The following PCDHGA4 variants were observed in gnomAD, a reference collection of about 807,000 sequenced individuals.
PCDHGA4 encodes protocadherin gamma-A4.
A neutral mutation model predicts 54.6 loss-of-function variants in PCDHGA4; 38 were observed. The observed-to-expected ratio is 0.70, with a 90% CI of 0.54 to 0.91. The LOEUF is 0.91. Among genes scored for constraint, PCDHGA4 ranks in the 40% least tolerant of loss-of-function variants. The probability of loss-of-function intolerance (pLI) is 0.00; values close to 1 mark genes in which losing one functional copy is unlikely to be tolerated. For synonymous variants in PCDHGA4, 511 were observed against 512.9 expected (o/e 1.00, Z 0.05); for missense variants, 1,298 against 1,220.9 (o/e 1.06, Z -0.94).
chr5:141,376,711 G>A lies in PCDHGA4; in HGVS notation c.2514+19090G>A, dbSNP rs1369731526. 2.9e-5 allele frequency: 18 copies of A among 622,360 alleles called. No homozygotes were observed. The South Asian group carries it at 3.6e-4, about 12-fold the overall frequency. 38.6% of individuals were successfully genotyped at this position (622,360 alleles called of 1,614,324 possible). On this transcript the variant is annotated intron_variant, in intron 1 of 3. Coordinates refer to ENST00000571252, the MANE Select transcript of PCDHGA4 (RefSeq NM_018917.4). ...TTTTTTTTTTTTGAGACGGAGTCTC[G>A]CTCTGTCGCCCAGGCCGGACTGCGG...
chr5:141,417,387 G>GA (rs1356605500), intron 1 of PCDHGA4: 1 of 154,090 alleles, frequency 6.5e-6, no homozygotes, highest in Non-Finnish European at 1.4e-5. Context: ...AAATTTTGAA[G>GA]AAAAAATATT....
intron 1 of PCDHGA4, chr5:141,389,767 G>T: frequency 1.2e-6 from 2 of 1,613,028 alleles, no homozygotes; most frequent in Non-Finnish European, 1.7e-6. Context: ...CGCACAGCGC[G>T]TGCCTTAGGC....
intron 1 of PCDHGA4, chr5:141,365,824 G>C (rs745398679): frequency 2.5e-6 from 4 of 1,613,926 alleles, no homozygotes; most frequent in Non-Finnish European, 3.4e-6. Context: ...CATTTCAGGG[G>C]GCGCCCTTGT....
At chr5:141,370,854 C>T in intron 1 of PCDHGA4, 1 of 1,614,054 alleles carries the variant, frequency 6.2e-7, no homozygotes. Flanking sequence ...CACATTTGCC[C>T]TGGAATCTGC....
intron 1 of PCDHGA4, among the ~76,000 whole-genome samples, chr5:141,397,238 C>A (rs2093493095): frequency 6.6e-6 from 1 of 151,972 alleles, no homozygotes; most frequent in African/African-American, 2.4e-5. Flanking sequence ...AGAAGAGCAA[C>A]GTAGTAGGGT....
Position 141,476,278 on chromosome 5 carries a change from T to C in PCDHGA4, c.2515-18529T>C, listed in dbSNP as rs746655724. On this transcript the variant is annotated intron_variant, in intron 1 of 3. Transcript: ENST00000571252. The surrounding 1 kb of genome is among the most constrained non-coding windows in gnomAD (Gnocchi z 7.6). ...CTGTGGGCAACGTGGTCGCGAACCTTGGTTTGGATCTCGGTAGCCTCTCAG... is the reference window on the plus strand; with the variant it reads ...CTGTGGGCAACGTGGTCGCGAACCTCGGTTTGGATCTCGGTAGCCTCTCAG... The C allele has an allele frequency of 3.2e-5, 52 of 1,613,758 alleles. No homozygotes were observed. Among genetic ancestry groups the C allele is most frequent in the Non-Finnish European group, 4.2e-5 (49 of 1,179,958 alleles).
chr5:141,471,444 A>T (rs1366430114), intron 1 of PCDHGA4: 1 of 152,150 alleles, frequency 6.6e-6, no homozygotes, highest in Non-Finnish European at 1.5e-5. Flanking sequence ...AATCTCATGT[A>T]CCTTTTGAAA....
At chr5:141,361,876 G>T in intron 1 of PCDHGA4, 1 of 1,610,918 alleles carries the variant, frequency 6.2e-7, no homozygotes, top group Non-Finnish European at 8.5e-7. Context: ...GGTGCCACGC[G>T]CCGCAGAGCC....
Position 141,389,842 on chromosome 5 carries a change from C to G in PCDHGA4, c.2514+32221C>G, listed in dbSNP as rs779733638. The G allele has an allele frequency of 3.7e-6, 6 of 1,613,900 alleles. No individual in the cohort carries two copies. In the Admixed American group the frequency reaches 8.3e-5, roughly 22 times the overall value. ...CGTGACGGTGGACAGCCACCACTCT[C>G]GGCCACTGCCACGTTGCACCTGGTC... On this transcript the variant is annotated intron_variant, in intron 1 of 3. Coordinates refer to ENST00000571252, the MANE Select transcript of PCDHGA4 (RefSeq NM_018917.4).
At chr5:141,374,519 G>A (rs769907625) in intron 1 of PCDHGA4, 5 of 1,612,332 alleles carry the variant, frequency 3.1e-6, no homozygotes, top group Admixed American at 1.7e-5. Context: ...TCTCGAAAAC[G>A]CAGCTCCATC....
intron 1 of PCDHGA4, chr5:141,410,783 T>C (rs2095423369): frequency 1.1e-6 from 1 of 919,042 alleles, no homozygotes; most frequent in East Asian, 2.7e-5. Flanking sequence ...ACTATGTATT[T>C]GGTTCATAAG....
chr5:141,419,945 T>TTGGCCTTGATTTCTG (rs1205104698), intron 1 of PCDHGA4: 6 of 1,613,970 alleles, frequency 3.7e-6, no homozygotes, highest in Non-Finnish European at 4.2e-6. Flanking sequence ...GGTGGTGGCC[T>TTGGCCTTGATTTCTG]TGGCCTTGAT....
chr5:141,411,924 C>G lies in PCDHGA4; in HGVS notation c.2514+54303C>G, dbSNP rs116336964. ...TTGCCTTTGCACTCAGTCTCTGTCTCTGATTCTCTGATAGAAGATTTTTGA... is the reference window on the plus strand; with the variant it reads ...TTGCCTTTGCACTCAGTCTCTGTCTGTGATTCTCTGATAGAAGATTTTTGA... On this transcript the variant is annotated intron_variant, in intron 1 of 3. Coordinates refer to ENST00000571252, the MANE Select transcript of PCDHGA4 (RefSeq NM_018917.4). The G allele has an allele frequency of 5.8e-4, 88 of 152,306 alleles. 1 individual carries two copies. Among genetic ancestry groups the G allele is most frequent in the African/African-American group, 2.0e-3 (83 of 41,556 alleles). 9.4% of individuals were successfully genotyped at this position (152,306 alleles called of 1,614,324 possible). A position where few individuals can be genotyped will look rare whatever the true frequency, so the allele number is the denominator to read the frequency against.
chr5:141,487,040 C>T lies in PCDHGA4; in HGVS notation c.2515-7767C>T, dbSNP rs374574042. The T allele has an allele frequency of 3.7e-6, 6 of 1,614,136 alleles. No homozygotes were observed. Among genetic ancestry groups the T allele is most frequent in the South Asian group, 1.1e-5 (1 of 91,082 alleles). On this transcript the variant is annotated intron_variant, in intron 1 of 3. Transcript: ENST00000571252. This position sits in a 1 kb window ranked among gnomAD's most constrained non-coding sequence, Gnocchi z 5.0. Reference sequence around the variant, plus strand: ...AGATCCCAGCCTGTTTGCAGTCTCTCGATATGCTGGGGAGGTGCGGACGGC... The same window carrying T: ...AGATCCCAGCCTGTTTGCAGTCTCTTGATATGCTGGGGAGGTGCGGACGGC...
At chr5:141,386,154 A>T (rs1211383292) in intron 1 of PCDHGA4, among the ~76,000 whole-genome samples, 2 of 152,222 alleles carry the variant, frequency 1.3e-5, no homozygotes, top group Non-Finnish European at 2.9e-5. Context: ...CAACTGTCTC[A>T]CGTACTCAAA....
At chr5:141,389,957 G>C in intron 1 of PCDHGA4, 2 of 1,614,080 alleles carry the variant, frequency 1.2e-6, no homozygotes, top group Non-Finnish European at 1.7e-6. Flanking sequence ...TTTACCTAGT[G>C]GTGGCCTTGG....
intron 1 of PCDHGA4, chr5:141,400,399 A>G: frequency 6.2e-7 from 1 of 1,614,054 alleles, no homozygotes; most frequent in Non-Finnish European, 8.5e-7. Context: ...TACAGGAAAG[A>G]CGGAGTTTAA....
chr5:141,494,953 T>G, intron 2 of PCDHGA4, 88 bp downstream of exon 2: 1 of 1,604,164 alleles, frequency 6.2e-7, no homozygotes, highest in Non-Finnish European at 8.5e-7. Flanking sequence ...GCCCAGCATT[T>G]GCTACAGATG....
intron 1 of PCDHGA4, chr5:141,361,749 C>G: frequency 6.2e-7 from 1 of 1,613,058 alleles, no homozygotes; most frequent in Non-Finnish European, 8.5e-7. Flanking sequence ...GCGACCAGGG[C>G]TCGCCCGCGC....
Sources: gnomAD v4.1 joint callset for allele counts (sites outside exome capture counted in the v4.1 genomes callset) on GRCh38, gnomAD v4.1.1 for gene constraint, Gnocchi (gnomAD v3.1) non-coding constraint, MANE v1.5 for transcripts, NCBI Gene and HGNC (gene_info 2026-07-23, HGNC 2026-07-21) for gene names.